TENT2: variants seen among roughly 807,000 people sequenced by gnomAD.
TENT2 encodes the protein terminal nucleotidyltransferase 2.
In TENT2, 44 loss-of-function variants were observed where a neutral mutation model predicts 72.2. That is an observed-to-expected ratio of 0.61 (90% confidence interval 0.48 to 0.78). The LOEUF is 0.78. Among genes scored for constraint, TENT2 ranks in the 30% least tolerant of loss-of-function variants. TENT2 has a pLI of 0.00. For missense variants in TENT2, 541 were observed against 569.6 expected (o/e 0.95, Z 0.51); for synonymous variants, 212 against 192.5 (o/e 1.10, Z -0.84).
Position 79,687,904 on chromosome 5 carries a change from C to T in TENT2, c.*2631C>T, listed in dbSNP as rs1323699437. On this transcript the variant is annotated 3_prime_UTR_variant, in exon 15 of 15. Coordinates refer to ENST00000453514, the MANE Select transcript of TENT2 (RefSeq NM_001114394.3). ...ACCTGTGATTTTGATTAGTGTTTAA[C>T]AGATTGCCACAGCTGTGATTGAATT... is the stretch of plus-strand genomic sequence containing the variant. Among the ~76,000 whole-genome samples, 1 of 152,170 alleles carries T rather than the reference C, an allele frequency of 6.6e-6. No homozygotes were observed. Among genetic ancestry groups the T allele is most frequent in the Admixed American group, 6.5e-5 (1 of 15,280 alleles).
chr5:79,641,628 T>C (rs944537655), intron 6 of TENT2, among the ~76,000 whole-genome samples: 14 of 152,050 alleles, frequency 9.2e-5, no homozygotes, highest in African/African-American at 2.9e-4. Flanking sequence ...TAAGGGAAAA[T>C]AGATTTCACT....
intron 12 of TENT2, among the ~76,000 whole-genome samples, chr5:79,678,979 C>T (rs772976999): frequency 6.6e-6 from 1 of 152,178 alleles, no homozygotes; most frequent in Non-Finnish European, 1.5e-5. Flanking sequence ...GACCTCTGCT[C>T]ACTGCAACCT....
intron 4 of TENT2, among the ~76,000 whole-genome samples, chr5:79,632,328 GT>G (rs113322670): frequency 1.4e-4 from 21 of 151,868 alleles, no homozygotes; most frequent in African/African-American, 3.9e-4. Context: ...TTTTTCATGA[GT>G]TTTTTTTGTC....
chr5:79,679,283 T>G (rs1819893832), intron 12 of TENT2, among the ~76,000 whole-genome samples: 1 of 152,066 alleles, frequency 6.6e-6, no homozygotes, highest in Non-Finnish European at 1.5e-5. Flanking sequence ...TGCACCTAGG[T>G]GAAGAGTGAA....
chr5:79,620,134 T>G (rs746428227), intron 3 of TENT2, 51 bp downstream of exon 3: 4 of 1,234,910 alleles, frequency 3.2e-6, no homozygotes, highest in Middle Eastern at 5.0e-4. Context: ...TTCTGAGAAC[T>G]CTGTAATGAT....
At chr5:79,669,121 A>G (rs1810869088) in intron 12 of TENT2, 93 bp downstream of exon 12, 1 of 1,404,906 alleles carries the variant, frequency 7.1e-7, no homozygotes, top group Non-Finnish European at 9.6e-7. Context: ...AGTAAATGCT[A>G]CAGATTTAGT....
In TENT2 at chr5:79,681,909, T is replaced by C. The variant is rs1822294634; in HGVS notation, c.1301-73T>C. ...TTAAAAACTGTTAACATATTGACAG[T>C]ATCAAACCTAAAAAAGAAACTGTAG... On this transcript the variant is annotated intron_variant, in intron 13 of 14. Transcript: ENST00000453514. 7.2e-6 allele frequency: 9 copies of C among 1,251,236 alleles called. No individual in the cohort carries two copies. In the East Asian group the frequency reaches 2.2e-4, roughly 31 times the overall value. The allele number at this position is 1,251,236 out of a possible 1,614,324, so 77.5% of individuals were successfully genotyped here. A position where few individuals can be genotyped will look rare whatever the true frequency, so the allele number is the denominator to read the frequency against.
intron 4 of TENT2, among the ~76,000 whole-genome samples, chr5:79,637,672 C>T (rs1781194355): frequency 6.6e-6 from 1 of 152,096 alleles, no homozygotes; most frequent in African/African-American, 2.4e-5. Flanking sequence ...AGCAATGCAC[C>T]TGCCTTGGCC....
chr5:79,649,462 C>T (rs2150143136), intron 10 of TENT2, among the ~76,000 whole-genome samples: 1 of 149,940 alleles, frequency 6.7e-6, no homozygotes, highest in South Asian at 2.1e-4. Flanking sequence ...GTATTGTGGA[C>T]CCATTATCTT....
intron 13 of TENT2, among the ~76,000 whole-genome samples, chr5:79,680,441 G>T (rs1342433105): frequency 6.6e-6 from 1 of 152,136 alleles, no homozygotes; most frequent in Non-Finnish European, 1.5e-5. Flanking sequence ...ATGCAATTCA[G>T]TATAATTTGG....
intron 4 of TENT2, among the ~76,000 whole-genome samples, chr5:79,629,177 A>T (rs2150131889): frequency 6.6e-6 from 1 of 152,342 alleles, no homozygotes; most frequent in Middle Eastern, 3.4e-3. Context: ...TGTGACAGTT[A>T]TAATTCTACA....
chr5:79,623,914 A>C (rs1168239566), intron 4 of TENT2, among the ~76,000 whole-genome samples: 1 of 152,226 alleles, frequency 6.6e-6, no homozygotes, highest in African/African-American at 2.4e-5. Context: ...GAAAAACAAT[A>C]CATTCAAAGT....
chr5:79,653,295 A>G (rs1795533510), intron 10 of TENT2, among the ~76,000 whole-genome samples: 1 of 152,074 alleles, frequency 6.6e-6, no homozygotes, highest in Non-Finnish European at 1.5e-5. Flanking sequence ...GACCAGCCTG[A>G]GCAATATAGT....
chr5:79,628,850 T>C (rs1333925978), intron 4 of TENT2, among the ~76,000 whole-genome samples: 2 of 152,198 alleles, frequency 1.3e-5, no homozygotes, highest in African/African-American at 4.8e-5. Context: ...GAGAACACTA[T>C]CAAAAATAAT....
chr5:79,637,381 T>C (rs567046954), intron 4 of TENT2, among the ~76,000 whole-genome samples: 5 of 152,180 alleles, frequency 3.3e-5, no homozygotes, highest in Non-Finnish European at 7.3e-5. Flanking sequence ...TCTTTCCTCC[T>C]GTTATTTGTC....
At chr5:79,630,253 G>A (rs62365175) in intron 4 of TENT2, among the ~76,000 whole-genome samples, 7,640 of 152,234 alleles carry the variant, frequency 0.05, 244 homozygotes, top group Non-Finnish European at 0.07. Context: ...CTTAGAGGAG[G>A]CAGTATTTGA....
chr5:79,641,061 C>G lies in TENT2; in HGVS notation c.581-44C>G, dbSNP rs902837241. ...TAATAGGCACAGAACCATGCACCTA[C>G]TTTAGATTTTAAATACTCTTATTAC... is the stretch of plus-strand genomic sequence containing the variant. On this transcript the variant is annotated intron_variant, in intron 5 of 14. Coordinates refer to ENST00000453514, the MANE Select transcript of TENT2 (RefSeq NM_001114394.3). 4 of 1,502,914 alleles carry G rather than the reference C, an allele frequency of 2.7e-6. No homozygotes were observed. In the African/African-American group the frequency reaches 4.3e-5, roughly 16 times the overall value. The allele number at this position is 1,502,914 out of a possible 1,614,324, so 93.1% of individuals were successfully genotyped here. A position where few individuals can be genotyped will look rare whatever the true frequency, so the allele number is the denominator to read the frequency against.
In TENT2 at chr5:79,669,036, A is replaced by G; in HGVS notation, c.1208+8A>G. On this transcript the variant is annotated splice_region_variant and intron_variant, in intron 12 of 14. Transcript: ENST00000453514. ...TTATGCTACAGAATTTGAGTAAGTA[A>G]AACTTTAAATTGTGTTTGTTCACTT... 6.2e-7 allele frequency: 1 copy of G among 1,613,044 alleles called. No homozygotes were observed. Among genetic ancestry groups the G allele is most frequent in the South Asian group, 1.1e-5 (1 of 91,060 alleles).
At chr5:79,648,585 GTTTA>G (rs751701659) in intron 8 of TENT2, 28 bp from the exon 9 acceptor site, 170 of 1,423,580 alleles carry the variant, frequency 1.2e-4, no homozygotes, top group South Asian at 2.8e-4. Flanking sequence ...TTCAGCTAAA[GTTTA>G]TTTATTTATT....
Sources: allele counts gnomAD v4.1 joint callset (sites outside exome capture counted in the v4.1 genomes callset), GRCh38; gene constraint gnomAD v4.1.1; transcripts MANE v1.5; gene names NCBI Gene and HGNC (gene_info 2026-07-23, HGNC 2026-07-21).